ART3: variants seen among roughly 807,000 people sequenced by gnomAD.
The protein encoded by ART3 is ecto-ADP-ribosyltransferase 3.
Under a neutral mutation model 48.5 loss-of-function variants are expected in ART3, and 49 were observed. That is an observed-to-expected ratio of 1.01 (90% confidence interval 0.80 to 1.28). The LOEUF (loss-of-function observed/expected upper bound fraction) is 1.28, where lower values mean the gene tolerates loss of function less well. Ranked by LOEUF, ART3 falls within the 50% of genes most tolerant of loss-of-function variation. ART3 has a pLI of 0.00. For missense variants in ART3, 438 were observed against 454.3 expected, an observed-to-expected ratio of 0.96 and a Z score of 0.33; for synonymous variants, 145 against 157.2, an observed-to-expected ratio of 0.92 and a Z score of 0.58.
chr4:76,098,853 G>T, intron 4 of ART3, 102 bp from the exon 5 acceptor site: 1 of 959,856 alleles, frequency 1.0e-6, no homozygotes, highest in Non-Finnish European at 1.6e-6. Context: ...TTAAATATAA[G>T]CCAACACAAT....
chr4:76,015,387 C>T (rs988687686), intron 1 of ART3, among the ~76,000 whole-genome samples: 1 of 151,676 alleles, frequency 6.6e-6, no homozygotes, highest in Admixed American at 6.6e-5. Context: ...ATTATAATCC[C>T]CAAAGTAACC....
At chr4:76,040,135 G>T (rs1246850375) in intron 1 of ART3, among the ~76,000 whole-genome samples, 1 of 152,096 alleles carries the variant, frequency 6.6e-6, no homozygotes, top group African/African-American at 2.4e-5. Flanking sequence ...GACCAGCCTG[G>T]CCAACATGGT....
chr4:76,062,653 C>T (rs1392675176), intron 1 of ART3, among the ~76,000 whole-genome samples: 1 of 149,004 alleles, frequency 6.7e-6, no homozygotes, highest in East Asian at 2.0e-4. Flanking sequence ...CTCCGCCTCT[C>T]GGGTTCACGC....
intron 1 of ART3, among the ~76,000 whole-genome samples, chr4:76,027,113 CGTG>C (rs1249061886): frequency 2.0e-5 from 3 of 151,922 alleles, no homozygotes; most frequent in African/African-American, 4.8e-5. Context: ...ATTGGCTGGG[CGTG>C]GTGGTGGGCG....
At chr4:76,023,301 T>C in intron 1 of ART3, 1 of 1,208,814 alleles carries the variant, frequency 8.3e-7, no homozygotes. Flanking sequence ...ACATTATTTC[T>C]GTATTTTTAG....
Position 76,082,380 on chromosome 4 carries a change from T to G in ART3, c.626T>G (p.Val209Gly). The part of the protein sequence containing the change: ...TVLSIYTCLG[V>G]DIENFLDKES... ...TTATCCATCTACACATGCCTTGGAG[T>G]TGACATTGAAAATTTTCTTGATAAA... The change falls in exon 3 of 12, where the codon GTT (valine) becomes GGT (glycine). Residue 209 changes from valine to glycine, a missense_variant. Val to Gly is a moderately radical substitution (Grantham distance 109, BLOSUM62 -3). Transcript: ENST00000355810. The G allele has an allele frequency of 6.2e-7, 1 of 1,614,148 alleles. No homozygotes were observed. Among genetic ancestry groups the G allele is most frequent in the Non-Finnish European group, 8.5e-7 (1 of 1,180,040 alleles).
chr4:76,074,483 CTG>C (rs1720659596), upstream of ART3, among the ~76,000 whole-genome samples: 1 of 152,116 alleles, frequency 6.6e-6, no homozygotes. Context: ...TCATTTCTCT[CTG>C]AGAGAAGCCC....
At chr4:76,060,617 A>AG (rs11406762) in intron 1 of ART3, among the ~76,000 whole-genome samples, 89,088 of 152,032 alleles carry the variant, frequency 0.59, 26,961 homozygotes, top group East Asian at 0.94. Context: ...CTGGACTTAT[A>AG]TTATGGACCT....
chr4:76,031,041 T>C (rs1245530311), intron 1 of ART3, among the ~76,000 whole-genome samples: 4 of 152,162 alleles, frequency 2.6e-5, no homozygotes, highest in Non-Finnish European at 5.9e-5. Context: ...TAATTATGTT[T>C]AACTTATTGC....
chr4:76,040,213 T>C (rs1734812695), intron 1 of ART3, among the ~76,000 whole-genome samples: 1 of 152,076 alleles, frequency 6.6e-6, no homozygotes, highest in Admixed American at 6.5e-5. Flanking sequence ...TAATTCCAGC[T>C]ACTTGCAAGG....
At chr4:76,055,358 A>C (rs1718588447) in intron 1 of ART3, among the ~76,000 whole-genome samples, 1 of 152,230 alleles carries the variant, frequency 6.6e-6, no homozygotes, top group Non-Finnish European at 1.5e-5. Flanking sequence ...TAATGTACAT[A>C]GTGTCTCACT....
chr4:76,105,994 C>G, intron 10 of ART3: 1 of 985,394 alleles, frequency 1.0e-6, no homozygotes, highest in Non-Finnish European at 1.2e-6. Flanking sequence ...GTTGGGACTA[C>G]AGTGTATTGT....
intron 1 of ART3, among the ~76,000 whole-genome samples, chr4:76,032,690 T>C (rs1229611824): frequency 6.6e-6 from 1 of 151,640 alleles, no homozygotes; most frequent in Non-Finnish European, 1.5e-5. Flanking sequence ...GTTCAAGCGA[T>C]TCTCCTGCCT....
intron 1 of ART3, among the ~76,000 whole-genome samples, chr4:76,052,481 A>T (rs1228690538): frequency 6.6e-6 from 1 of 152,056 alleles, no homozygotes; most frequent in Non-Finnish European, 1.5e-5. Flanking sequence ...AATTTGGGGG[A>T]TACAAATATA....
intron 2 of ART3, 51 bp downstream of exon 2, chr4:76,076,009 T>G (rs779345618): frequency 2.0e-5 from 31 of 1,532,708 alleles, no homozygotes; most frequent in Non-Finnish European, 2.6e-5. Flanking sequence ...AATTCGTTTT[T>G]TTTTTTTTTT....
At chr4:76,105,709 G>T (rs1203916002) in intron 10 of ART3, 2 of 985,422 alleles carry the variant, frequency 2.0e-6, no homozygotes, top group Non-Finnish European at 2.4e-6. Flanking sequence ...AAAGTGTTGA[G>T]AATTTCTTTC....
At position 76,094,898 on chromosome 4, in the gene ART3, G is replaced by T. The variant is rs556625605; in HGVS notation, c.782-2746G>T. Reference sequence around the variant, plus strand: ...TCTGGAAAAATTTTAAACTACTTAAGGGTTGGTAAGTTAAATTTTTCTGGG... The same window carrying T: ...TCTGGAAAAATTTTAAACTACTTAATGGTTGGTAAGTTAAATTTTTCTGGG... On this transcript the variant is annotated intron_variant, in intron 3 of 11. Transcript: ENST00000355810. 7.9e-5 allele frequency among the ~76,000 whole-genome samples: 12 copies of T among 152,234 alleles called. No individual in the cohort carries two copies. The East Asian group carries it at 2.3e-3, about 29-fold the overall frequency.
intron 8 of ART3, 68 bp downstream of exon 8, chr4:76,101,087 G>A (rs546048309): frequency 2.5e-6 from 4 of 1,578,774 alleles, no homozygotes; most frequent in Non-Finnish European, 3.5e-6. Context: ...TGTGGGAACA[G>A]GGAAGAATGT....
At chr4:76,058,408 C>A (rs1718886989) in intron 1 of ART3, among the ~76,000 whole-genome samples, 1 of 152,014 alleles carries the variant, frequency 6.6e-6, no homozygotes, top group Non-Finnish European at 1.5e-5. Context: ...CCTTAAATTG[C>A]CAGAGGTGTA....
Sources: allele counts gnomAD v4.1 joint callset (sites outside exome capture counted in the v4.1 genomes callset), GRCh38; gene constraint gnomAD v4.1.1; transcripts MANE v1.5; gene names NCBI Gene and HGNC (gene_info 2026-07-23, HGNC 2026-07-21).